The following ZNF862 variants were observed in gnomAD, a reference collection of about 807,000 sequenced individuals.
ZNF862 encodes zinc finger protein 862.
ZNF862 carries 64 observed loss-of-function variants against 91.1 expected under a neutral mutation model. The observed-to-expected ratio is 0.70, with a 90% CI of 0.57 to 0.87. The LOEUF is 0.87. Ranked by LOEUF, ZNF862 falls within the 40% of genes least tolerant of loss-of-function variation. The pLI is 0.00. For synonymous variants in ZNF862, 631 were observed against 618.1 expected, an observed-to-expected ratio of 1.02 and a Z score of -0.31; for missense variants, 1,459 against 1,528.0, an observed-to-expected ratio of 0.95 and a Z score of 0.75.
At chr7:149,846,797 A>G (rs1223252784) in intron 3 of ZNF862, among the ~76,000 whole-genome samples, 2 of 152,248 alleles carry the variant, frequency 1.3e-5, no homozygotes, top group Non-Finnish European at 1.5e-5. Flanking sequence ...TATGAATCAA[A>G]TCACAGAAGT....
In ZNF862 at chr7:149,860,494, G is replaced by T. The variant is rs758276519; in HGVS notation, c.1334G>T (p.Ser445Ile). The change falls in exon 7 of 8, where the codon AGC becomes ATC. Residue 445 changes from serine to isoleucine, a missense_variant. Coordinates refer to ENST00000223210, the MANE Select transcript of ZNF862 (RefSeq NM_001099220.3). ...VEARASCCSSSICEEGDGPRR... is the reference protein window; with the variant it reads ...VEARASCCSSIICEEGDGPRR... ...GCCCGTGCCTCCTGCTGCAGTTCCA[G>T]CATTTGTGAGGAAGGAGATGGACCT... The T allele has an allele frequency of 1.2e-6, 2 of 1,613,974 alleles. No homozygotes were observed. Among genetic ancestry groups the T allele is most frequent in the Non-Finnish European group, 8.5e-7 (1 of 1,179,894 alleles).
chr7:149,863,743 G>C (rs757504704), intron 7 of ZNF862, among the ~76,000 whole-genome samples: 4 of 152,194 alleles, frequency 2.6e-5, no homozygotes, highest in African/African-American at 9.7e-5. Context: ...GTTGATGCTG[G>C]GGCTGGGTAA....
intron 1 of ZNF862, among the ~76,000 whole-genome samples, chr7:149,840,515 G>A (rs1801666735): frequency 6.6e-6 from 1 of 152,120 alleles, no homozygotes; most frequent in Non-Finnish European, 1.5e-5. Flanking sequence ...GAAGTGTTCA[G>A]TCATGTCCTA....
Position 149,861,839 on chromosome 7 carries a change from C to A in ZNF862, c.2679C>A (p.Phe893Leu). The change falls in exon 7 of 8, where the codon TTC becomes TTA. Residue 893 changes from phenylalanine to leucine, a missense_variant. Phe to Leu is a conservative substitution (Grantham distance 22). Coordinates refer to ENST00000223210, the MANE Select transcript of ZNF862 (RefSeq NM_001099220.3). This position sits in a 1 kb window ranked among gnomAD's most constrained non-coding sequence, Gnocchi z 6.7. ...AGGCAGGGCCCAAAGAGGAAGAATTCAACGCCAGCTTCAAGGATGGGCGGC... is the reference window on the plus strand; with the variant it reads ...AGGCAGGGCCCAAAGAGGAAGAATTAAACGCCAGCTTCAAGGATGGGCGGC... ...RHQAGPKEEE[F>L]NASFKDGRLH... 2.5e-6 allele frequency: 4 copies of A among 1,613,716 alleles called. No individual in the cohort carries two copies. Among genetic ancestry groups the A allele is most frequent in the East Asian group, 2.2e-5 (1 of 44,858 alleles).
chr7:149,840,192 A>T (rs1258931928), intron 1 of ZNF862, among the ~76,000 whole-genome samples: 132 of 90,568 alleles, frequency 1.5e-3, no homozygotes, highest in Middle Eastern at 0.01. Context: ...AAAAGTAAAA[A>T]AAAAAAAAAA....
At chr7:149,853,486 A>G (rs1162353825) in intron 5 of ZNF862, among the ~76,000 whole-genome samples, 1 of 152,198 alleles carries the variant, frequency 6.6e-6, no homozygotes, top group African/African-American at 2.4e-5. Context: ...GATAAGATGT[A>G]GGCTGCAGCT....
At position 149,850,424 on chromosome 7, in the gene ZNF862, C is replaced by T; in HGVS notation, c.1117+86C>T. ...GAGCTGTGGCTTGTGGTTATCTTCC[C>T]ATTCCTGCCCCCTCCCTGTGTGTAG... On this transcript the variant is annotated intron_variant, in intron 5 of 7. Transcript: ENST00000223210. This position sits in a 1 kb window ranked among gnomAD's most constrained non-coding sequence, Gnocchi z 4.2. 1 of 1,375,102 alleles carries T rather than the reference C, an allele frequency of 7.3e-7. No individual in the cohort carries two copies. Among genetic ancestry groups the T allele is most frequent in the African/African-American group, 1.4e-5 (1 of 69,810 alleles). The allele number at this position is 1,375,102 out of a possible 1,614,324, so 85.2% of individuals were successfully genotyped here.
At chr7:149,842,484 A>G (rs1364791648) in intron 1 of ZNF862, among the ~76,000 whole-genome samples, 4 of 152,204 alleles carry the variant, frequency 2.6e-5, no homozygotes, top group African/African-American at 4.8e-5. Context: ...TTTTCTTTAC[A>G]TTGCAGTCAC....
chr7:149,844,622 C>T lies in ZNF862; in HGVS notation c.25-3C>T. The T allele has an allele frequency of 6.3e-7, 1 of 1,586,904 alleles. No individual in the cohort carries two copies. The highest frequency in any genetic ancestry group is 1.3e-5 in the African/African-American group (1 of 74,514). On this transcript the variant is annotated splice_polypyrimidine_tract_variant and splice_region_variant and intron_variant, in intron 1 of 7. Transcript: ENST00000223210. ...TACTTAGCAGCTGTCATTTTCCTTTCAGGCTCCTGTGACGTTTGATGACAT... is the reference window on the plus strand; with the variant it reads ...TACTTAGCAGCTGTCATTTTCCTTTTAGGCTCCTGTGACGTTTGATGACAT...
rs1308151734 is a variant in ZNF862, at chr7:149,847,978, C to T, written c.485C>T (p.Ser162Phe). 2 of 1,611,776 alleles carry T rather than the reference C, an allele frequency of 1.2e-6. No homozygotes were observed. Among genetic ancestry groups the T allele is most frequent in the Non-Finnish European group, 1.7e-6 (2 of 1,178,794 alleles). The change falls in exon 4 of 8, where the codon TCT becomes TTT. Residue 162 changes from serine to phenylalanine, a missense_variant. Ser to Phe is a radical substitution (Grantham distance 155). Transcript: ENST00000223210. ...MNEEQTALFC[S>F]ACREYPSIRD... The stretch of plus-strand genomic sequence containing the variant: ...GAGGAGCAGACGGCTCTGTTCTGCT[C>T]TGCTTGCCGAGAATACCCCTCCATC...
chr7:149,859,429 C>T lies in ZNF862; in HGVS notation c.1125C>T (p.Ala375=), dbSNP rs4725833. 917,207 of 1,573,940 alleles carry T rather than the reference C, an allele frequency of 0.58. 272,781 individuals are homozygous for T. The highest frequency in any genetic ancestry group is 0.77 in the African/African-American group (56,921 of 74,032). The change falls in exon 6 of 8, where the codon GCC becomes GCT. Residue 375 remains alanine (A), a synonymous_variant. Transcript: ENST00000223210. ...TCTTCATCCTTACAACAGGACCTGC[C>T]GCTGCCAAGCCAGACTTGATCTCCA... is the stretch of plus-strand genomic sequence containing the variant. ...NYELLASLGP[A]AAKPDLISKL...
intron 2 of ZNF862, 169 bp downstream of exon 2, chr7:149,844,905 C>T (rs574964037): frequency 1.7e-6 from 1 of 576,194 alleles, no homozygotes; most frequent in Non-Finnish European, 3.1e-6. Context: ...CATGCAAATT[C>T]ACACATCACC....
At chr7:149,862,956 A>G (rs1802572235) in intron 7 of ZNF862, among the ~76,000 whole-genome samples, 1 of 152,190 alleles carries the variant, frequency 6.6e-6, no homozygotes, top group South Asian at 2.1e-4. Flanking sequence ...ATCACATTCT[A>G]AGTGGGGCTG....
At position 149,860,520 on chromosome 7, in the gene ZNF862, A is replaced by G; in HGVS notation, c.1360A>G (p.Arg454Gly). ...SSICEEGDGP[R>G]RIKRTYRPRS... ...CATTTGTGAGGAAGGAGATGGACCT[A>G]GGAGAATCAAGAGGACATACAGGCC... The change falls in exon 7 of 8, where the codon AGG becomes GGG. Residue 454 changes from arginine to glycine, a missense_variant. By Grantham distance (125) the Arg-to-Gly change is moderately radical. Transcript: ENST00000223210. 1 of 1,614,004 alleles carries G rather than the reference A, an allele frequency of 6.2e-7. No homozygotes were observed. The highest frequency in any genetic ancestry group is 8.5e-7 in the Non-Finnish European group (1 of 1,179,888).
In ZNF862 at chr7:149,861,132, A is replaced by G; in HGVS notation, c.1972A>G (p.Thr658Ala). The change falls in exon 7 of 8, where the codon ACT becomes GCT. Residue 658 changes from threonine (T) to alanine (A), a missense_variant. Coordinates refer to ENST00000223210, the MANE Select transcript of ZNF862 (RefSeq NM_001099220.3). The surrounding 1 kb of genome is among the most constrained non-coding windows in gnomAD (Gnocchi z 6.7). ...KQMEVKESYITLAPLYSETAD... is the reference protein window; with the variant it reads ...KQMEVKESYIALAPLYSETAD... ...GATGGAGGTGAAAGAGTCCTACATC[A>G]CTCTGGCCCCTCTCTACAGTGAGAC... 1 of 1,612,804 alleles carries G rather than the reference A, an allele frequency of 6.2e-7. No individual in the cohort carries two copies. Among genetic ancestry groups the G allele is most frequent in the Non-Finnish European group, 8.5e-7 (1 of 1,179,806 alleles).
At chr7:149,859,711 C>G (rs1802391850) in intron 6 of ZNF862, 185 bp downstream of exon 6, 1 of 561,760 alleles carries the variant, frequency 1.8e-6, no homozygotes, top group African/African-American at 1.9e-5. Flanking sequence ...GTAGAGTAGT[C>G]TGGGAAACAG....
At chr7:149,844,892 T>G in intron 2 of ZNF862, 156 bp downstream of exon 2, 1 of 589,748 alleles carries the variant, frequency 1.7e-6, no homozygotes, top group Non-Finnish European at 3.0e-6. Context: ...TCTACCTTAA[T>G]TGCATGCAAA....
In ZNF862 at chr7:149,860,291, G is replaced by C. The variant is rs748591738; in HGVS notation, c.1223-92G>C. On this transcript the variant is annotated intron_variant, in intron 6 of 7. Coordinates refer to ENST00000223210, the MANE Select transcript of ZNF862 (RefSeq NM_001099220.3). ...CATTCATCTTCTCTGCCTTGCTTAA[G>C]GGATACTTATTAAATTTGGGGGTGT... The C allele has an allele frequency of 6.9e-6, 8 of 1,156,768 alleles. No homozygotes were observed. The Admixed American group carries it at 7.8e-5, about 11-fold the overall frequency. 71.7% of individuals were successfully genotyped at this position (1,156,768 alleles called of 1,614,324 possible). A position where few individuals can be genotyped will look rare whatever the true frequency, so the allele number is the denominator to read the frequency against.
rs774703234 is a variant in ZNF862 at position 149,860,547 on chromosome 7, C to T, written c.1387C>T (p.Arg463Cys). 1.5e-5 allele frequency: 24 copies of T among 1,613,868 alleles called. No individual in the cohort carries two copies. In the African/African-American group the frequency reaches 1.6e-4, roughly 11 times the overall value. The part of the protein sequence containing the change: ...PRRIKRTYRP[R>C]SIQRSWFGQF... ...GAGAATCAAGAGGACATACAGGCCC[C>T]GTTCCATTCAGAGGTCATGGTTTGG... The change falls in exon 7 of 8, where the codon CGT becomes TGT. Residue 463 changes from arginine to cysteine, a missense_variant. Physicochemically the swap from Arg to Cys is radical, Grantham distance 180 (BLOSUM62 -3). Coordinates refer to ENST00000223210, the MANE Select transcript of ZNF862 (RefSeq NM_001099220.3).
Sources: allele counts gnomAD v4.1 joint callset (sites outside exome capture counted in the v4.1 genomes callset), GRCh38; gene constraint gnomAD v4.1.1; non-coding constraint Gnocchi (gnomAD v3.1); transcripts MANE v1.5; gene names NCBI Gene and HGNC (gene_info 2026-07-23, HGNC 2026-07-21).